The following SYNPR variants were observed in gnomAD, a reference collection of about 807,000 sequenced individuals.
The protein encoded by SYNPR is synaptoporin.
Under a neutral mutation model 32.9 loss-of-function variants are expected in SYNPR, and 23 were observed. The observed-to-expected ratio is 0.70, with a 90% CI of 0.50 to 0.99. The LOEUF is 0.99. Among genes scored for constraint, SYNPR ranks in the 50% least tolerant of loss-of-function variants. The probability of loss-of-function intolerance (pLI) is 0.00; values close to 1 mark genes in which losing one functional copy is unlikely to be tolerated. For synonymous variants in SYNPR, 146 were observed against 135.9 expected (o/e 1.07, Z -0.52); for missense variants, 318 against 349.3 (o/e 0.91, Z 0.71).
chr3:63,555,817 G>T (rs1184396607), intron 3 of SYNPR, among the ~76,000 whole-genome samples: 2 of 152,146 alleles, frequency 1.3e-5, no homozygotes, highest in Non-Finnish European at 1.5e-5. Flanking sequence ...ACAGTTGAGT[G>T]GTCAGTGGGA....
intron 4 of SYNPR, among the ~76,000 whole-genome samples, chr3:63,585,746 G>A (rs1173082893): frequency 3.9e-5 from 6 of 152,150 alleles, no homozygotes; most frequent in South Asian, 2.1e-4. Context: ...GCAAGATATC[G>A]TCCCAGAAGA....
intron 2 of SYNPR, among the ~76,000 whole-genome samples, chr3:63,375,639 C>T (rs2087880163): frequency 6.6e-6 from 1 of 152,032 alleles, no homozygotes; most frequent in Non-Finnish European, 1.5e-5. Flanking sequence ...TTGATGTGTG[C>T]AGCAAACCAA....
intron 2 of SYNPR, among the ~76,000 whole-genome samples, chr3:63,283,434 A>C (rs2086648191): frequency 6.6e-6 from 1 of 152,192 alleles, no homozygotes; most frequent in Non-Finnish European, 1.5e-5. Context: ...CTTTTAGGTC[A>C]AAACGGAAAA....
intron 2 of SYNPR, among the ~76,000 whole-genome samples, chr3:63,332,843 A>C (rs912565863): frequency 5.9e-5 from 9 of 152,156 alleles, no homozygotes; most frequent in Non-Finnish European, 8.8e-5. Flanking sequence ...ATGGTTAATC[A>C]ATGTTGGCAC....
intron 2 of SYNPR, among the ~76,000 whole-genome samples, chr3:63,350,358 T>C (rs2087491335): frequency 6.6e-6 from 1 of 152,176 alleles, no homozygotes; most frequent in South Asian, 2.1e-4. Context: ...CTCACTCTCA[T>C]TGGACCTGCT....
intron 2 of SYNPR, among the ~76,000 whole-genome samples, chr3:63,327,655 A>G (rs891823497): frequency 6.6e-6 from 1 of 152,160 alleles, no homozygotes; most frequent in Non-Finnish European, 1.5e-5. Context: ...ATTTCACCCA[A>G]AAAAACTGAG....
chr3:63,264,065 G>A (rs1253049362), intron 2 of SYNPR, among the ~76,000 whole-genome samples: 1 of 152,108 alleles, frequency 6.6e-6, no homozygotes, highest in East Asian at 1.9e-4. Context: ...GTCATCTAAG[G>A]CCTAAGTCTG....
At chr3:63,530,968 G>A (rs77945194) in intron 3 of SYNPR, among the ~76,000 whole-genome samples, 2,314 of 152,198 alleles carry the variant, frequency 0.015, 49 homozygotes, top group African/African-American at 0.049. Context: ...GATGAGTAGA[G>A]TTTGAGTGGG....
chr3:63,311,254 C>G (rs932429058), intron 2 of SYNPR, among the ~76,000 whole-genome samples: 2 of 151,842 alleles, frequency 1.3e-5, no homozygotes, highest in South Asian at 4.1e-4. Context: ...TTATCTGTTC[C>G]CCTGACAACC....
At chr3:63,345,801 A>C (rs1402444642) in intron 2 of SYNPR, among the ~76,000 whole-genome samples, 1 of 148,870 alleles carries the variant, frequency 6.7e-6, no homozygotes, top group Non-Finnish European at 1.5e-5. Flanking sequence ...GCTTTCGTCT[A>C]ACATTGAATT....
intron 2 of SYNPR, among the ~76,000 whole-genome samples, chr3:63,361,622 G>A (rs370740720): frequency 4.6e-5 from 7 of 151,552 alleles, no homozygotes; most frequent in Admixed American, 1.3e-4. Flanking sequence ...AAAAAGGAGG[G>A]GGGGATATAA....
chr3:63,586,278 A>G (rs978415968), intron 4 of SYNPR, among the ~76,000 whole-genome samples: 3 of 142,552 alleles, frequency 2.1e-5, no homozygotes, highest in African/African-American at 8.5e-5. Flanking sequence ...GCTCATTTGC[A>G]AAAAAAAAAG....
In SYNPR at chr3:63,350,249, C is replaced by T. The variant is rs2107016515; in HGVS notation, c.84+71507C>T. Among the ~76,000 whole-genome samples, 2 of 151,504 alleles carry T rather than the reference C, an allele frequency of 1.3e-5. 1 individual carries two copies. The highest frequency in any genetic ancestry group is 4.2e-4 in the South Asian group (2 of 4,786). ...ACACACACACACACACACATACAAA[C>T]ACAATTATTAACTCTATAGGGGAGA... On this transcript the variant is annotated intron_variant, in intron 2 of 5. Transcript: ENST00000478300.
At chr3:63,435,961 A>G (rs1700076865) in intron 2 of SYNPR, among the ~76,000 whole-genome samples, 1 of 152,140 alleles carries the variant, frequency 6.6e-6, no homozygotes, top group African/African-American at 2.4e-5. Context: ...GAAAGATTCT[A>G]AGTTCCTTTC....
intron 2 of SYNPR, among the ~76,000 whole-genome samples, chr3:63,255,078 C>G (rs992971013): frequency 6.6e-6 from 1 of 152,104 alleles, no homozygotes; most frequent in South Asian, 2.1e-4. Context: ...TTATGGCAGC[C>G]CTTGTTGGTT....
intron 4 of SYNPR, among the ~76,000 whole-genome samples, chr3:63,565,825 G>T (rs756515267): frequency 7.2e-5 from 11 of 152,206 alleles, no homozygotes; most frequent in South Asian, 2.1e-4. Context: ...TACTTATGGG[G>T]AACTCTCTAC....
At position 63,256,672 on chromosome 3, in the gene SYNPR, C is replaced by A. The variant is rs1048379598; in HGVS notation, n.154+4086C>A. Among the ~76,000 whole-genome samples, 3 of 152,288 alleles carry A rather than the reference C, an allele frequency of 2.0e-5. No individual in the cohort carries two copies. In the East Asian group the frequency reaches 5.8e-4, roughly 29 times the overall value. Reference sequence around the variant, plus strand: ...TAAAAATCAGAGCACCTCTCCTTCTCCAAAGGAACGCAGCTCCTCACCAGC... The same window carrying A: ...TAAAAATCAGAGCACCTCTCCTTCTACAAAGGAACGCAGCTCCTCACCAGC... On this transcript the variant is annotated intron_variant and non_coding_transcript_variant, in intron 2 of 4. Transcript: ENST00000478456.
intron 3 of SYNPR, among the ~76,000 whole-genome samples, chr3:63,539,204 C>G (rs1505598): frequency 0.24 from 36,358 of 151,992 alleles, 4,434 homozygotes; most frequent in East Asian, 0.33. Flanking sequence ...TTTGGCATCT[C>G]TGTGTGTTAG....
At chr3:63,239,471 G>A (rs77049739) in intron 1 of SYNPR, among the ~76,000 whole-genome samples, 8,168 of 50,326 alleles carry the variant, frequency 0.16, 18 homozygotes, top group Non-Finnish European at 0.19. Flanking sequence ...ATGGTAGAAT[G>A]GGCACATGAC....
Sources: allele counts gnomAD v4.1 joint callset (sites outside exome capture counted in the v4.1 genomes callset), GRCh38; gene constraint gnomAD v4.1.1; transcripts MANE v1.5; gene names NCBI Gene and HGNC (gene_info 2026-07-23, HGNC 2026-07-21).